ARHGAP11A: variants seen among roughly 807,000 people sequenced by gnomAD.
The protein encoded by ARHGAP11A is rho GTPase-activating protein 11A.
In ARHGAP11A, 36 loss-of-function variants were observed where a neutral mutation model predicts 60.5. That is an observed-to-expected ratio of 0.59 (90% CI 0.46 to 0.79). ARHGAP11A has a LOEUF of 0.79. Among genes scored for constraint, ARHGAP11A ranks in the 30% least tolerant of loss-of-function variants. The probability of loss-of-function intolerance (pLI) is 0.00; values close to 1 mark genes in which losing one functional copy is unlikely to be tolerated. For synonymous variants in ARHGAP11A, 362 were observed against 415.5 expected (o/e 0.87, Z 1.57); for missense variants, 1,071 against 1,199.2 (o/e 0.89, Z 1.58).
chr15:32,615,975 A>G lies in ARHGAP11A; in HGVS notation c.-237A>G. 1.8e-6 allele frequency: 1 copy of G among 555,484 alleles called. No individual in the cohort carries two copies. Among genetic ancestry groups the G allele is most frequent in the South Asian group, 2.8e-5 (1 of 35,196 alleles). 34.4% of individuals were successfully genotyped at this position (555,484 alleles called of 1,614,324 possible). Reference sequence around the variant, plus strand: ...AGAAGGTCGGTGTAAGTGAAGGAAGAGTGAGGTGTGGCTGGATCAAAGGGC... The same window carrying G: ...AGAAGGTCGGTGTAAGTGAAGGAAGGGTGAGGTGTGGCTGGATCAAAGGGC... On this transcript the variant is annotated 5_prime_UTR_variant, in exon 1 of 12. Transcript: ENST00000361627.
intron 6 of ARHGAP11A, among the ~76,000 whole-genome samples, chr15:32,625,895 A>G (rs2053447234): frequency 1.3e-5 from 2 of 152,248 alleles, no homozygotes; most frequent in Admixed American, 1.3e-4. Context: ...AGAGGAGCCA[A>G]ACTGAACCTT....
chr15:32,629,264 A>T (rs1446048078), intron 7 of ARHGAP11A, among the ~76,000 whole-genome samples: 1 of 145,752 alleles, frequency 6.9e-6, no homozygotes, highest in East Asian at 2.0e-4. Flanking sequence ...AAGCAAAAAT[A>T]ATATTTAGAT....
intron 2 of ARHGAP11A, among the ~76,000 whole-genome samples, chr15:32,622,108 A>G (rs2053342092): frequency 6.6e-6 from 1 of 152,310 alleles, no homozygotes; most frequent in Admixed American, 6.5e-5. Flanking sequence ...TGATTTTCTT[A>G]TAATGAACAC....
intron 3 of ARHGAP11A, among the ~76,000 whole-genome samples, chr15:32,623,871 G>A (rs1292637651): frequency 6.6e-6 from 1 of 152,132 alleles, no homozygotes; most frequent in Non-Finnish European, 1.5e-5. Context: ...CCTTCTAGAA[G>A]GAGTGATAGA....
chr15:32,617,821 G>T (rs546135874), intron 1 of ARHGAP11A, among the ~76,000 whole-genome samples: 1 of 152,298 alleles, frequency 6.6e-6, no homozygotes, highest in African/African-American at 2.4e-5. Context: ...GAGTCAGATA[G>T]ACCTGAGTTT....
chr15:32,615,978 G>A lies in ARHGAP11A; in HGVS notation c.-234G>A. ...AGGTCGGTGTAAGTGAAGGAAGAGTGAGGTGTGGCTGGATCAAAGGGCTAA... is the reference window on the plus strand; with the variant it reads ...AGGTCGGTGTAAGTGAAGGAAGAGTAAGGTGTGGCTGGATCAAAGGGCTAA... On this transcript the variant is annotated 5_prime_UTR_variant, in exon 1 of 12. Coordinates refer to ENST00000361627, the MANE Select transcript of ARHGAP11A (RefSeq NM_014783.6). 1 of 559,360 alleles carries A rather than the reference G, an allele frequency of 1.8e-6. No homozygotes were observed. Among genetic ancestry groups the A allele is most frequent in the Admixed American group, 3.4e-5 (1 of 29,724 alleles). The allele number at this position is 559,360 out of a possible 1,614,324, so 34.6% of individuals were successfully genotyped here. A position where few individuals can be genotyped will look rare whatever the true frequency, so the allele number is the denominator to read the frequency against.
At chr15:32,623,652 T>G in intron 3 of ARHGAP11A, 64 bp downstream of exon 3, 5 of 1,496,756 alleles carry the variant, frequency 3.3e-6, no homozygotes, top group Non-Finnish European at 4.6e-6. Context: ...TTTTTAAAAC[T>G]GAAATATTTA....
chr15:32,638,221 C>A lies in ARHGAP11A; in HGVS notation c.*376C>A. ...CCCGAGTAGCTGGGACTACAGGTGC[C>A]CGCCACCACGCCCAGCTAATTTTTT... On this transcript the variant is annotated 3_prime_UTR_variant, in exon 12 of 12. Coordinates refer to ENST00000361627, the MANE Select transcript of ARHGAP11A (RefSeq NM_014783.6). The A allele has an allele frequency of 6.0e-6, 1 of 166,000 alleles. No individual in the cohort carries two copies. Among genetic ancestry groups the A allele is most frequent in the Non-Finnish European group, 1.3e-5 (1 of 77,684 alleles). 10.3% of individuals were successfully genotyped at this position (166,000 alleles called of 1,614,324 possible). A position where few individuals can be genotyped will look rare whatever the true frequency, so the allele number is the denominator to read the frequency against.
At chr15:32,635,326 T>G (rs1054426055) in intron 10 of ARHGAP11A, among the ~76,000 whole-genome samples, 3 of 152,220 alleles carry the variant, frequency 2.0e-5, no homozygotes, top group African/African-American at 7.2e-5. Flanking sequence ...CTCCATATCC[T>G]TTTTACTCTG....
At chr15:32,618,687 G>A (rs2053220707) in intron 1 of ARHGAP11A, among the ~76,000 whole-genome samples, 1 of 151,878 alleles carries the variant, frequency 6.6e-6, no homozygotes. Context: ...TGTAATCCCA[G>A]CATTTTGGGA....
Position 32,633,119 on chromosome 15 carries a change from C to T in ARHGAP11A, c.1235+11C>T. 1 of 1,613,420 alleles carries T rather than the reference C, an allele frequency of 6.2e-7. No individual in the cohort carries two copies. Among genetic ancestry groups the T allele is most frequent in the South Asian group, 1.1e-5 (1 of 91,008 alleles). On this transcript the variant is annotated intron_variant, in intron 9 of 11. Coordinates refer to ENST00000361627, the MANE Select transcript of ARHGAP11A (RefSeq NM_014783.6). ...CAAAAAAGTTTGCAGGTACTTTATC[C>T]AGGACATTTTGTTTTCATCGGATAA...
Position 32,637,160 on chromosome 15 carries a change from C to T in ARHGAP11A, c.2387C>T (p.Ser796Phe), listed in dbSNP as rs1330480062. The T allele has an allele frequency of 6.2e-7, 1 of 1,614,028 alleles. No homozygotes were observed. Among genetic ancestry groups the T allele is most frequent in the African/African-American group, 1.3e-5 (1 of 74,932 alleles). The change falls in exon 12 of 12, where the codon TCT (serine) becomes TTT (phenylalanine). Residue 796 changes from serine to phenylalanine, a missense_variant. Ser to Phe is a radical substitution (Grantham distance 155). Around this residue, in one of 4 missense-constraint regions of ARHGAP11A, gnomAD observed 776 missense variants for 760.2 expected, o/e 1.02. Coordinates refer to ENST00000361627, the MANE Select transcript of ARHGAP11A (RefSeq NM_014783.6). The part of the protein sequence containing the change: ...QSLETCEKTV[S>F]ESSQMTEHRK... ...TTGGAAACATGTGAGAAAACAGTTT[C>T]TGAAAGTTCACAAATGACAGAACAT...
intron 6 of ARHGAP11A, among the ~76,000 whole-genome samples, chr15:32,625,884 A>G (rs1221148030): frequency 6.6e-6 from 1 of 152,250 alleles, no homozygotes; most frequent in African/African-American, 2.4e-5. Context: ...GGACTTGTCA[A>G]AGAGGAGCCA....
chr15:32,629,776 T>C lies in ARHGAP11A; in HGVS notation c.1105+14T>C, dbSNP rs371647222. ...CACCGGTATCAGGTAGCAAATAGAATTTATATAAATGGATTGTAAAGATTA... is the reference window on the plus strand; with the variant it reads ...CACCGGTATCAGGTAGCAAATAGAACTTATATAAATGGATTGTAAAGATTA... On this transcript the variant is annotated intron_variant, in intron 8 of 11. Transcript: ENST00000361627. 300 of 1,583,470 alleles carry C rather than the reference T, an allele frequency of 1.9e-4. 4 individuals carry two copies. Among genetic ancestry groups the C allele is most frequent in the South Asian group, 1.7e-3 (143 of 85,472 alleles).
chr15:32,635,656 CAATT>C, intron 10 of ARHGAP11A, 117 bp from the exon 11 acceptor site: 2 of 594,100 alleles, frequency 3.4e-6, no homozygotes, highest in Non-Finnish European at 5.3e-6. Context: ...AATTGTTTCT[CAATT>C]ATATATCCCT....
chr15:32,635,350 C>T (rs1318538935), intron 10 of ARHGAP11A, among the ~76,000 whole-genome samples: 2 of 152,226 alleles, frequency 1.3e-5, no homozygotes, highest in South Asian at 2.1e-4. Context: ...TACTTTTCTC[C>T]GTAGCACTTT....
intron 1 of ARHGAP11A, among the ~76,000 whole-genome samples, chr15:32,619,206 C>T (rs544148369): frequency 6.6e-6 from 1 of 152,232 alleles, no homozygotes; most frequent in Non-Finnish European, 1.5e-5. Flanking sequence ...AAAAAAAGTA[C>T]TTCAGCATTC....
chr15:32,637,897 G>GA lies in ARHGAP11A; in HGVS notation c.*53dup. The stretch of plus-strand genomic sequence containing the variant: ...TGTAAATAAAGTGAGTAATTGGTAT[G>GA]ACTTGCAGGATGATGTACATGTTAG... On this transcript the variant is annotated 3_prime_UTR_variant, in exon 12 of 12. Coordinates refer to ENST00000361627, the MANE Select transcript of ARHGAP11A (RefSeq NM_014783.6). 1 of 1,408,452 alleles carries GA rather than the reference G, an allele frequency of 7.1e-7. No individual in the cohort carries two copies. Among genetic ancestry groups the GA allele is most frequent in the Non-Finnish European group, 9.6e-7 (1 of 1,042,814 alleles). 87.2% of individuals were successfully genotyped at this position (1,408,452 alleles called of 1,614,324 possible).
Position 32,636,714 on chromosome 15 carries a change from T to C in ARHGAP11A, c.1941T>C (p.Asn647=), listed in dbSNP as rs1246086026. The C allele has an allele frequency of 6.2e-7, 1 of 1,613,890 alleles. No homozygotes were observed. The highest frequency in any genetic ancestry group is 2.2e-5 in the East Asian group (1 of 44,854). Residue 647 remains asparagine (N), a synonymous_variant, in exon 12 of 12, where the codon AAT becomes AAC. Coordinates refer to ENST00000361627, the MANE Select transcript of ARHGAP11A (RefSeq NM_014783.6). ...CAGAGGAAAATCTATTTGAAACTAA[T>C]GATTTGACTATAGTAGAATCAAAGG... ...DSPEENLFET[N]DLTIVESKEK... is the part of the protein sequence containing the mutation.
Sources: allele counts gnomAD v4.1 joint callset (sites outside exome capture counted in the v4.1 genomes callset), GRCh38; gene constraint gnomAD v4.1.1; regional missense constraint gnomAD v4.1.1; transcripts MANE v1.5; gene names NCBI Gene and HGNC (gene_info 2026-07-23, HGNC 2026-07-21).